Variants in DOCK8 observed in about 807,000 individuals in gnomAD.
The protein encoded by DOCK8 is dedicator of cytokinesis protein 8.
Under a neutral mutation model 245.6 loss-of-function variants are expected in DOCK8, and 141 were observed. The observed-to-expected ratio is 0.57, with a 90% CI of 0.50 to 0.66. The LOEUF (loss-of-function observed/expected upper bound fraction) is 0.66, where lower values mean the gene tolerates loss of function less well. Among genes scored for constraint, DOCK8 ranks in the 30% least tolerant of loss-of-function variants. The pLI is 0.00. For synonymous variants in DOCK8, 1,168 were observed against 970.2 expected (o/e 1.20, Z -3.79); for missense variants, 2,965 against 2,603.4 (o/e 1.14, Z -3.02).
chr9:279,843 G>T (rs2048505022), intron 2 of DOCK8, among the ~76,000 whole-genome samples: 1 of 152,184 alleles, frequency 6.6e-6, no homozygotes, highest in Non-Finnish European at 1.5e-5. Flanking sequence ...ACCAGGAGTG[G>T]CGTGAAGCCT....
intron 15 of DOCK8, chr9:368,367 T>G (rs963466529): frequency 1.4e-5 from 10 of 703,628 alleles, no homozygotes; most frequent in Non-Finnish European, 2.7e-5. Flanking sequence ...ACAGATCATT[T>G]TAGAGGATTA....
At chr9:331,018 G>C (rs2050985751) in intron 9 of DOCK8, among the ~76,000 whole-genome samples, 1 of 152,070 alleles carries the variant, frequency 6.6e-6, no homozygotes, top group Non-Finnish European at 1.5e-5. Context: ...TTGCTTCAGG[G>C]TCCTAATTAA....
At chr9:384,585 G>T (rs934220450) in intron 22 of DOCK8, among the ~76,000 whole-genome samples, 3 of 152,196 alleles carry the variant, frequency 2.0e-5, no homozygotes, top group Non-Finnish European at 4.4e-5. Flanking sequence ...CCTGGTCCCT[G>T]AATGAACTTA....
At chr9:400,980 C>T (rs1474663340) in intron 26 of DOCK8, among the ~76,000 whole-genome samples, 3 of 126,888 alleles carry the variant, frequency 2.4e-5, no homozygotes, top group Non-Finnish European at 5.6e-5. Flanking sequence ...TCCACCATCA[C>T]CACCTCCTCC....
chr9:424,599 A>G (rs1009449333), intron 33 of DOCK8, among the ~76,000 whole-genome samples: 1 of 152,090 alleles, frequency 6.6e-6, no homozygotes, highest in Non-Finnish European at 1.5e-5. Context: ...TTGTAGAGAC[A>G]GGGTTTCACC....
At chr9:222,173 G>C (rs1235921921) in intron 1 of DOCK8, among the ~76,000 whole-genome samples, 1 of 151,934 alleles carries the variant, frequency 6.6e-6, no homozygotes, top group Non-Finnish European at 1.5e-5. Flanking sequence ...TGAGGTGGGA[G>C]GGTCACTTGA....
At chr9:394,509 C>T (rs1294496405) in intron 24 of DOCK8, among the ~76,000 whole-genome samples, 1 of 152,234 alleles carries the variant, frequency 6.6e-6, no homozygotes, top group African/African-American at 2.4e-5. Flanking sequence ...ATTTAACACC[C>T]TCTAGTTGTG....
intron 45 of DOCK8, among the ~76,000 whole-genome samples, chr9:450,992 C>A (rs1286005588): frequency 6.6e-6 from 1 of 151,918 alleles, no homozygotes; most frequent in Non-Finnish European, 1.5e-5. Context: ...GAATGAAAAT[C>A]TATTATTAGT....
chr9:400,886 ACCACCACC>A (rs2054988553), intron 26 of DOCK8, among the ~76,000 whole-genome samples: 5 of 113,438 alleles, frequency 4.4e-5, no homozygotes, highest in East Asian at 3.3e-4. Context: ...CACCTCCACC[ACCACCACC>A]TCCCCCACTA....
chr9:429,599 C>T (rs2056633405), intron 35 of DOCK8, 103 bp from the exon 36 acceptor site: 2 of 1,406,124 alleles, frequency 1.4e-6, no homozygotes, highest in African/African-American at 1.4e-5. Flanking sequence ...ATTAACTCTT[C>T]TAGGCTTTTT....
At chr9:329,106 C>A (rs2050894129) in intron 9 of DOCK8, among the ~76,000 whole-genome samples, 1 of 151,900 alleles carries the variant, frequency 6.6e-6, no homozygotes, top group Non-Finnish European at 1.5e-5. Context: ...CCCACCACCC[C>A]AAACCAGGCT....
intron 14 of DOCK8, among the ~76,000 whole-genome samples, chr9:353,019 A>G (rs549319344): frequency 6.6e-6 from 1 of 152,202 alleles, no homozygotes; most frequent in Non-Finnish European, 1.5e-5. Flanking sequence ...AACCAGTATT[A>G]TAAGCCCCTG....
chr9:377,297 A>G, intron 20 of DOCK8, 86 bp downstream of exon 20: 2 of 1,317,306 alleles, frequency 1.5e-6, no homozygotes, highest in Non-Finnish European at 2.1e-6. Context: ...CCAGAAATCC[A>G]GAGACAATGT....
At chr9:315,178 A>T (rs2050287390) in intron 6 of DOCK8, among the ~76,000 whole-genome samples, 3 of 152,204 alleles carry the variant, frequency 2.0e-5, no homozygotes, top group Admixed American at 6.5e-5. Context: ...CTCTGGATCC[A>T]TTGGGAGAGT....
chr9:357,216 A>G (rs2052487480), intron 14 of DOCK8, among the ~76,000 whole-genome samples: 2 of 152,242 alleles, frequency 1.3e-5, no homozygotes, highest in South Asian at 4.1e-4. Flanking sequence ...ATAGAAAAGA[A>G]TGGGATGGAG....
In DOCK8 at chr9:226,324, G is replaced by T. The variant is rs191219125; in HGVS notation, c.53+11295G>T. Among the ~76,000 whole-genome samples the T allele has an allele frequency of 1.3e-3, 201 of 152,212 alleles. 2 individuals carry two copies. The highest frequency in any genetic ancestry group is 4.7e-3 in the African/African-American group (196 of 41,528). On this transcript the variant is annotated intron_variant, in intron 1 of 47. Transcript: ENST00000432829. ...CCTGCCTCCATGATTCAATTATCTC[G>T]CACAACATGTGGGGATTATGGGAGC...
rs763332348 is a variant in DOCK8 at position 414,971 on chromosome 9, CT to C, written c.3700+23del. On this transcript the variant is annotated intron_variant, in intron 29 of 47. Transcript: ENST00000432829. ...TTACAGGTAATGGCCCTTCTGTTTT[CT>C]TTCTTGGATTGTTGGGGGCCCCTGC... 26 of 1,612,330 alleles carry C rather than the reference CT, an allele frequency of 1.6e-5. No individual in the cohort carries two copies. Among genetic ancestry groups the C allele is most frequent in the Non-Finnish European group, 1.9e-5 (23 of 1,179,966 alleles).
At chr9:400,188 CACCAT>C (rs2054777321) in intron 26 of DOCK8, among the ~76,000 whole-genome samples, 2 of 106,388 alleles carry the variant, frequency 1.9e-5, no homozygotes, top group Non-Finnish European at 3.9e-5. Context: ...CCACCTCCTT[CACCAT>C]CACCATCACC....
chr9:382,697 G>A lies in DOCK8; in HGVS notation c.2778+12G>A. The stretch of plus-strand genomic sequence containing the variant: ...TCATGTCTTCAAAGGTAGGAAAGAT[G>A]TCAAACCGTGGAAGGGGACACAGGC... On this transcript the variant is annotated intron_variant, in intron 22 of 47. Transcript: ENST00000432829. The A allele has an allele frequency of 1.2e-6, 2 of 1,614,078 alleles. No individual in the cohort carries two copies. Among genetic ancestry groups the A allele is most frequent in the Non-Finnish European group, 1.7e-6 (2 of 1,180,002 alleles).
Sources: gnomAD v4.1 joint callset for allele counts (sites outside exome capture counted in the v4.1 genomes callset) on GRCh38, gnomAD v4.1.1 for gene constraint, MANE v1.5 for transcripts, NCBI Gene and HGNC (gene_info 2026-07-23, HGNC 2026-07-21) for gene names.